The following CDH23 variants were observed in gnomAD, a reference collection of about 807,000 sequenced individuals.
The protein encoded by CDH23 is cadherin-23.
In CDH23, 189 loss-of-function variants were observed where a neutral mutation model predicts 317.1. The ratio of observed to expected loss-of-function variants is 0.60; its 90% CI spans 0.53 to 0.67. The LOEUF is 0.67. Ranked by LOEUF, CDH23 falls within the 30% of genes least tolerant of loss-of-function variation. CDH23 has a pLI of 0.00. For synonymous variants in CDH23, 1,839 were observed against 1,876.8 expected, an observed-to-expected ratio of 0.98 and a Z score of 0.52; for missense variants, 4,401 against 4,592.4, an observed-to-expected ratio of 0.96 and a Z score of 1.20.
At chr10:71,698,356 C>T (rs1382145159) in intron 22 of CDH23, among the ~76,000 whole-genome samples, 1 of 152,140 alleles carries the variant, frequency 6.6e-6, no homozygotes, top group Non-Finnish European at 1.5e-5. Flanking sequence ...CTTCTAGGGC[C>T]TCACAGTGCC....
At chr10:71,523,282 T>G (rs1316930377) in intron 6 of CDH23, among the ~76,000 whole-genome samples, 1 of 152,214 alleles carries the variant, frequency 6.6e-6, no homozygotes, top group Non-Finnish European at 1.5e-5. Context: ...TAGAACTGAT[T>G]GTTTTTTCCT....
At chr10:71,692,249 T>C (rs1253199262) in intron 20 of CDH23, among the ~76,000 whole-genome samples, 3 of 152,136 alleles carry the variant, frequency 2.0e-5, no homozygotes, top group Admixed American at 6.5e-5. Flanking sequence ...AAAGGCGCCA[T>C]TATATGAGTA....
chr10:71,765,836 C>G (rs1277018365), intron 38 of CDH23, among the ~76,000 whole-genome samples: 1 of 152,102 alleles, frequency 6.6e-6, no homozygotes, highest in African/African-American at 2.4e-5. Flanking sequence ...GTTCAGTTTT[C>G]AAGCAAGAGG....
chr10:71,710,863 G>A (rs1176197157), intron 27 of CDH23, among the ~76,000 whole-genome samples: 1 of 152,216 alleles, frequency 6.6e-6, no homozygotes, highest in Non-Finnish European at 1.5e-5. Context: ...GCTGTGATCA[G>A]GTAGGGCCAT....
At chr10:71,681,598 G>A (rs932410392) in intron 17 of CDH23, among the ~76,000 whole-genome samples, 1 of 152,182 alleles carries the variant, frequency 6.6e-6, no homozygotes, top group Non-Finnish European at 1.5e-5. Flanking sequence ...GACTGGATGG[G>A]TATGAAGAGC....
rs768691349 is a variant in CDH23 at position 71,725,510 on chromosome 10, G to A, written c.3569G>A (p.Ser1190Asn). 6.2e-7 allele frequency: 1 copy of A among 1,613,220 alleles called. No homozygotes were observed. The highest frequency in any genetic ancestry group is 1.1e-5 in the South Asian group (1 of 90,896). Residue 1190 changes from serine to asparagine, a missense_variant, in exon 30 of 70, where the codon AGC (serine) becomes AAC (asparagine). Ser to Asn is a conservative substitution (Grantham distance 46). Around this residue, in one of 3 missense-constraint regions of CDH23, gnomAD observed 3,068 missense variants for 3,203.3 expected, o/e 0.96. Transcript: ENST00000224721. ...AACCACGACCTGGGCCCCATGCGGA[G>A]CTCCGTCAGGGTGAGGCTAGGGGCG... ...AYNHDLGPMR[S>N]SVRVIVYVED...
intron 1 of CDH23, among the ~76,000 whole-genome samples, chr10:71,418,766 G>C (rs762785021): frequency 5.9e-5 from 9 of 152,142 alleles, no homozygotes; most frequent in Non-Finnish European, 1.2e-4. Flanking sequence ...ACCTGCCATG[G>C]TTATTAAATC....
chr10:71,673,797 G>A (rs1864244272), intron 14 of CDH23, among the ~76,000 whole-genome samples: 1 of 152,220 alleles, frequency 6.6e-6, no homozygotes, highest in African/African-American at 2.4e-5. Context: ...GGGGTTGTAG[G>A]TAGAAGGCGT....
intron 9 of CDH23, among the ~76,000 whole-genome samples, chr10:71,608,215 A>T (rs977055305): frequency 3.9e-5 from 6 of 152,070 alleles, no homozygotes; most frequent in Non-Finnish European, 5.9e-5. Context: ...GACGTAATAG[A>T]CTCCAGGCAC....
intron 6 of CDH23, among the ~76,000 whole-genome samples, chr10:71,541,597 G>C (rs992340404): frequency 6.6e-6 from 1 of 152,212 alleles, no homozygotes; most frequent in Non-Finnish European, 1.5e-5. Flanking sequence ...TCCGGCAGGA[G>C]TTTCTGCACC....
intron 22 of CDH23, among the ~76,000 whole-genome samples, chr10:71,698,694 G>A (rs977667564): frequency 2.6e-5 from 4 of 152,122 alleles, no homozygotes; most frequent in East Asian, 1.9e-4. Flanking sequence ...AGCTTAAAAC[G>A]TCAGCTGTCT....
intron 27 of CDH23, chr10:71,712,415 T>TC: frequency 2.2e-6 from 1 of 461,694 alleles, no homozygotes; most frequent in Admixed American, 3.5e-5. Context: ...GACAGTAAAG[T>TC]GTCTGCTTCA....
chr10:71,530,016 C>T (rs982299988), intron 6 of CDH23, among the ~76,000 whole-genome samples: 3 of 138,088 alleles, frequency 2.2e-5, no homozygotes, highest in Non-Finnish European at 3.1e-5. Context: ...CAGGCATTTG[C>T]ACACATACAC....
chr10:71,785,722 C>T lies in CDH23; in HGVS notation c.5804C>T (p.Pro1935Leu), dbSNP rs1841086500. Residue 1935 changes from proline (P) to leucine (L), a missense_variant, in exon 44 of 70, where the codon CCA (proline) becomes CTA (leucine). Pro to Leu is a moderately conservative substitution (Grantham distance 98). This residue lies in a region of CDH23 where 3,068 missense variants were observed against 3,203.3 expected (regional missense o/e 0.96). Coordinates refer to ENST00000224721, the MANE Select transcript of CDH23 (RefSeq NM_022124.6). ...TCTGTGAAGGACAACCCGGAGAATC[C>T]ACGCATAGCCAGGAGGGTGAGACTG... The part of the protein sequence containing the change: ...TISVKDNPEN[P>L]RIARRDYDLL... 1.7e-5 allele frequency: 28 copies of T among 1,602,484 alleles called. No homozygotes were observed. Among genetic ancestry groups the T allele is most frequent in the Non-Finnish European group, 2.4e-5 (28 of 1,173,676 alleles).
intron 1 of CDH23, among the ~76,000 whole-genome samples, chr10:71,424,215 G>A (rs758138636): frequency 5.3e-5 from 8 of 152,162 alleles, no homozygotes; most frequent in Non-Finnish European, 8.8e-5. Flanking sequence ...CTCGCTCCCC[G>A]CCTGATGGTT....
intron 30 of CDH23, 93 bp downstream of exon 30, chr10:71,725,613 G>T: frequency 1.4e-6 from 2 of 1,407,246 alleles, no homozygotes; most frequent in South Asian, 2.7e-5. Context: ...CCTGGTGTGG[G>T]CAGGGCCACC....
intron 27 of CDH23, 36 bp from the exon 28 acceptor site, chr10:71,712,629 C>T: frequency 1.2e-6 from 2 of 1,608,616 alleles, no homozygotes; most frequent in East Asian, 4.5e-5. Context: ...CTCTCTCAGG[C>T]AGCTGCTAAC....
intron 11 of CDH23, among the ~76,000 whole-genome samples, chr10:71,638,202 T>C (rs1241044719): frequency 6.6e-6 from 1 of 152,168 alleles, no homozygotes; most frequent in African/African-American, 2.4e-5. Context: ...GTGAGTTGTC[T>C]AAAGTCACAC....
At chr10:71,489,737 T>C (rs1412318888) in intron 3 of CDH23, among the ~76,000 whole-genome samples, 1 of 152,050 alleles carries the variant, frequency 6.6e-6, no homozygotes, top group Non-Finnish European at 1.5e-5. Context: ...TATTTGTTTT[T>C]CTTAAGCACT....
Sources: gnomAD v4.1 joint callset for allele counts (sites outside exome capture counted in the v4.1 genomes callset) on GRCh38, gnomAD v4.1.1 for gene constraint, gnomAD v4.1.1 regional missense constraint, MANE v1.5 for transcripts, NCBI Gene and HGNC (gene_info 2026-07-23, HGNC 2026-07-21) for gene names.